HSD17B12: variants seen among roughly 807,000 people sequenced by gnomAD.
The protein encoded by HSD17B12 is very-long-chain 3-oxoacyl-CoA reductase.
Under a neutral mutation model 39.3 loss-of-function variants are expected in HSD17B12, and 32 were observed. That is an observed-to-expected ratio of 0.81 (90% CI 0.61 to 1.09). The LOEUF (loss-of-function observed/expected upper bound fraction) is 1.09, where lower values mean the gene tolerates loss of function less well. Among genes scored for constraint, HSD17B12 ranks in the 50% least tolerant of loss-of-function variants. The pLI, the probability that HSD17B12 is intolerant of heterozygous loss-of-function variation, is 0.00. For synonymous variants in HSD17B12, 150 were observed against 146.7 expected (o/e 1.02, Z -0.16); for missense variants, 342 against 382.9 (o/e 0.89, Z 0.89).
intron 3 of HSD17B12, among the ~76,000 whole-genome samples, chr11:43,791,161 C>T (rs927735662): frequency 6.6e-6 from 1 of 152,212 alleles, no homozygotes; most frequent in African/African-American, 2.4e-5. Context: ...CTAACTGCAT[C>T]CCAGGCTCTT....
intron 1 of HSD17B12, among the ~76,000 whole-genome samples, chr11:43,686,502 G>A (rs1949800473): frequency 6.6e-6 from 1 of 151,884 alleles, no homozygotes; most frequent in Non-Finnish European, 1.5e-5. Flanking sequence ...ACCAAAGAGG[G>A]AGGTTTCCTG....
At chr11:43,583,354 C>T in the HSD17B12 span, among the ~76,000 whole-genome samples, 1 of 152,328 alleles carries the variant, frequency 6.6e-6, no homozygotes, top group East Asian at 1.9e-4. Context: ...CGCCTCGCCT[C>T]GCCTCGCCTC....
chr11:43,786,485 C>A (rs1474775717), intron 3 of HSD17B12, among the ~76,000 whole-genome samples: 1 of 152,144 alleles, frequency 6.6e-6, no homozygotes, highest in Non-Finnish European at 1.5e-5. Context: ...CCCACCATTG[C>A]TTTTCTCAAT....
chr11:43,616,908 G>A, the HSD17B12 span, among the ~76,000 whole-genome samples: 13 of 149,772 alleles, frequency 8.7e-5, no homozygotes, highest in Non-Finnish European at 1.9e-4. Flanking sequence ...GGAGGTGGAG[G>A]TTGCAGTGAG....
intron 1 of HSD17B12, among the ~76,000 whole-genome samples, chr11:43,689,072 T>C (rs1949829098): frequency 6.6e-6 from 1 of 152,234 alleles, no homozygotes; most frequent in South Asian, 2.1e-4. Flanking sequence ...TGACTAGTGC[T>C]ACTGCAGAAG....
At chr11:43,748,157 A>C (rs1286621440) in intron 1 of HSD17B12, among the ~76,000 whole-genome samples, 1 of 152,210 alleles carries the variant, frequency 6.6e-6, no homozygotes, top group Non-Finnish European at 1.5e-5. Context: ...AAAGTTACAG[A>C]AAATTATGTT....
chr11:43,779,990 T>G (rs1290756962), intron 3 of HSD17B12, among the ~76,000 whole-genome samples: 1 of 152,182 alleles, frequency 6.6e-6, no homozygotes, highest in Non-Finnish European at 1.5e-5. Flanking sequence ...ATTTGCAAAA[T>G]AATTTTGCTG....
At chr11:43,571,110 G>A in the HSD17B12 span, among the ~76,000 whole-genome samples, 1 of 152,146 alleles carries the variant, frequency 6.6e-6, no homozygotes, top group African/African-American at 2.4e-5. Flanking sequence ...CTAATTGCAA[G>A]GCTGCTTTAA....
chr11:43,565,964 T>C, the HSD17B12 span, among the ~76,000 whole-genome samples: 3 of 152,194 alleles, frequency 2.0e-5, no homozygotes, highest in Admixed American at 1.3e-4. Flanking sequence ...GAAACTTCTC[T>C]CAATGTTGGA....
At chr11:43,849,542 T>G (rs1951511615) in intron 9 of HSD17B12, among the ~76,000 whole-genome samples, 1 of 152,202 alleles carries the variant, frequency 6.6e-6, no homozygotes, top group Non-Finnish European at 1.5e-5. Context: ...GTTCCTTCAG[T>G]CTCAAAGGCT....
chr11:43,600,727 G>C, the HSD17B12 span, among the ~76,000 whole-genome samples: 1 of 151,814 alleles, frequency 6.6e-6, no homozygotes, highest in Non-Finnish European at 1.5e-5. Context: ...TTATTTATAT[G>C]TAAAATATAA....
chr11:43,706,446 G>GGTTCCC, intron 1 of HSD17B12, among the ~76,000 whole-genome samples: 1 of 152,248 alleles, frequency 6.6e-6, no homozygotes, highest in East Asian at 1.9e-4. Context: ...TGGAGGCTGA[G>GGTTCCC]GTAGAAGCAT....
chr11:43,593,069 A>G, the HSD17B12 span, among the ~76,000 whole-genome samples: 1 of 152,158 alleles, frequency 6.6e-6, no homozygotes, highest in African/African-American at 2.4e-5. Context: ...TATGCTCAAT[A>G]TTTGTCTACA....
At chr11:43,798,957 G>T (rs1950940051) in intron 4 of HSD17B12, among the ~76,000 whole-genome samples, 1 of 151,968 alleles carries the variant, frequency 6.6e-6, no homozygotes, top group African/African-American at 2.4e-5. Context: ...TTTCTCCCCA[G>T]TATTTTTGAC....
At chr11:43,722,909 CA>C (rs1851710876) in intron 1 of HSD17B12, among the ~76,000 whole-genome samples, 2 of 152,076 alleles carry the variant, frequency 1.3e-5, no homozygotes, top group Non-Finnish European at 2.9e-5. Flanking sequence ...AGGAATTGAA[CA>C]GGGGTAGTGA....
At chr11:43,815,292 G>C in intron 4 of HSD17B12, 145 bp from the exon 5 acceptor site, 2 of 439,694 alleles carry the variant, frequency 4.5e-6, no homozygotes, top group South Asian at 1.3e-4. Flanking sequence ...TGGACAGAAA[G>C]GTGTGGAAAA....
At position 43,705,467 on chromosome 11, in the gene HSD17B12, G is replaced by T. The variant is rs538931996; in HGVS notation, c.160+24480G>T. On this transcript the variant is annotated intron_variant, in intron 1 of 10. Coordinates refer to ENST00000278353, the MANE Select transcript of HSD17B12 (RefSeq NM_016142.3). ...GTAATCTGGGAGACTGTGGCCCAAA[G>T]TAGTTCAACTGAATTTGAAAAGGAT... is the stretch of plus-strand genomic sequence containing the variant. 3.9e-5 allele frequency among the ~76,000 whole-genome samples: 6 copies of T among 152,316 alleles called. No individual in the cohort carries two copies. The East Asian group carries it at 7.7e-4, about 20-fold the overall frequency.
chr11:43,801,321 C>T (rs928384425), intron 4 of HSD17B12, among the ~76,000 whole-genome samples: 43 of 151,928 alleles, frequency 2.8e-4, no homozygotes, highest in Admixed American at 2.8e-3. Flanking sequence ...GTAACTTGTC[C>T]TAGCCAGTGG....
At chr11:43,838,056 T>C (rs143361895) in intron 7 of HSD17B12, 5 of 443,818 alleles carry the variant, frequency 1.1e-5, no homozygotes, top group African/African-American at 6.0e-5. Context: ...TCGAGGAGAC[T>C]GGAGATCTGA....
Sources: allele counts gnomAD v4.1 joint callset (sites outside exome capture counted in the v4.1 genomes callset), GRCh38; gene constraint gnomAD v4.1.1; transcripts MANE v1.5; gene names NCBI Gene and HGNC (gene_info 2026-07-23, HGNC 2026-07-21).